ANKS1B: variants seen among roughly 807,000 people sequenced by gnomAD.
ANKS1B encodes ankyrin repeat and sterile alpha motif domain-containing protein 1B.
ANKS1B carries 36 observed loss-of-function variants against 148.3 expected under a neutral mutation model. The ratio of observed to expected loss-of-function variants is 0.24; its 90% CI spans 0.19 to 0.32. The LOEUF (loss-of-function observed/expected upper bound fraction) is 0.32, where lower values mean the gene tolerates loss of function less well. Ranked by LOEUF, ANKS1B falls within the 10% of genes least tolerant of loss-of-function variation. The pLI is 1.00. For synonymous variants in ANKS1B, 542 were observed against 560.8 expected, an observed-to-expected ratio of 0.97 and a Z score of 0.47; for missense variants, 1,157 against 1,542.6, an observed-to-expected ratio of 0.75 and a Z score of 4.19.
chr12:99,269,585 G>A (rs7309131), intron 12 of ANKS1B, among the ~76,000 whole-genome samples: 48,531 of 151,772 alleles, frequency 0.32, 9,284 homozygotes, highest in African/African-American at 0.54. Context: ...TTGAGACGGA[G>A]TCTCACTCTG....
At chr12:98,823,059 C>A (rs1299297110) in intron 19 of ANKS1B, among the ~76,000 whole-genome samples, 1 of 152,182 alleles carries the variant, frequency 6.6e-6, no homozygotes, top group Non-Finnish European at 1.5e-5. Flanking sequence ...GTGTACAATA[C>A]ATCAGGTTTA....
At chr12:99,732,074 T>C (rs2888437) in intron 8 of ANKS1B, among the ~76,000 whole-genome samples, 66,297 of 151,978 alleles carry the variant, frequency 0.44, 14,863 homozygotes, top group South Asian at 0.61. Flanking sequence ...ATATTGGTAG[T>C]CTTTAAGGAA....
intron 10 of ANKS1B, among the ~76,000 whole-genome samples, chr12:99,495,783 A>G (rs1312581732): frequency 1.3e-5 from 2 of 152,240 alleles, no homozygotes; most frequent in Non-Finnish European, 2.9e-5. Context: ...CTCAGCAGAG[A>G]TAAACATTTG....
chr12:99,795,840 C>T (rs887032676), intron 4 of ANKS1B, among the ~76,000 whole-genome samples: 1 of 152,062 alleles, frequency 6.6e-6, no homozygotes, highest in African/African-American at 2.4e-5. Flanking sequence ...TAACTAAGCA[C>T]TTACCGTGCA....
intron 8 of ANKS1B, among the ~76,000 whole-genome samples, chr12:99,739,382 A>AC (rs58960133): frequency 0.43 from 63,188 of 147,260 alleles, 14,073 homozygotes; most frequent in South Asian, 0.6. Flanking sequence ...CAAAGCTAAA[A>AC]AAAAACTCCA....
intron 15 of ANKS1B, among the ~76,000 whole-genome samples, chr12:99,095,035 G>C (rs890296076): frequency 1.9e-4 from 27 of 141,564 alleles, no homozygotes; most frequent in Non-Finnish European, 2.5e-4. Flanking sequence ...CTGGGGGGGG[G>C]GTCAAGTCTC....
intron 12 of ANKS1B, among the ~76,000 whole-genome samples, chr12:99,393,707 T>G (rs1388598396): frequency 6.6e-6 from 1 of 152,120 alleles, no homozygotes; most frequent in Non-Finnish European, 1.5e-5. Flanking sequence ...ATTCTTTGAA[T>G]CCAACAATTA....
chr12:98,895,089 G>C (rs182131), intron 17 of ANKS1B: 917,944 of 979,524 alleles, frequency 0.94, 430,350 homozygotes, highest in East Asian at 1. Flanking sequence ...GGTGGGCGGC[G>C]AGGCGGGGGG....
intron 15 of ANKS1B, among the ~76,000 whole-genome samples, chr12:99,086,738 C>CA (rs1250535080): frequency 6.6e-6 from 1 of 152,152 alleles, no homozygotes; most frequent in African/African-American, 2.4e-5. Context: ...GTTTGTAAGA[C>CA]AGAGTTTCTC....
intron 12 of ANKS1B, among the ~76,000 whole-genome samples, chr12:99,274,056 G>C (rs1602301590): frequency 1.3e-5 from 2 of 152,206 alleles, no homozygotes; most frequent in South Asian, 4.2e-4. Flanking sequence ...GAGACTCAAG[G>C]CATGCCCTTA....
intron 4 of ANKS1B, among the ~76,000 whole-genome samples, chr12:99,801,132 ATT>A (rs1459291194): frequency 6.6e-6 from 1 of 152,084 alleles, no homozygotes; most frequent in East Asian, 1.9e-4. Flanking sequence ...TTGTGACCTG[ATT>A]TAGCCAATGG....
At chr12:99,212,320 T>C (rs1053117930) in intron 14 of ANKS1B, among the ~76,000 whole-genome samples, 3 of 151,546 alleles carry the variant, frequency 2.0e-5, no homozygotes, top group Non-Finnish European at 4.4e-5. Context: ...TCTTCTATAA[T>C]TTTTTTCGTA....
rs537746337 is a variant in ANKS1B, at chr12:99,974,234, G to T, written c.134+9870C>A. ...TAGCAATGAAGTATTTTTTAATTACGTACATTGTTTTGTTAGATATAAGGA... is the reference window on the plus strand; with the variant it reads ...TAGCAATGAAGTATTTTTTAATTACTTACATTGTTTTGTTAGATATAAGGA... On this transcript the variant is annotated intron_variant, in intron 1 of 26. Coordinates refer to ENST00000683438, the MANE Select transcript of ANKS1B (RefSeq NM_001352186.2). 5.5e-4 allele frequency among the ~76,000 whole-genome samples: 84 copies of T among 152,248 alleles called. 1 individual carries two copies. In the South Asian group the frequency reaches 0.017, roughly 31 times the overall value.
At chr12:99,754,814 C>A (rs536135457) in intron 8 of ANKS1B, among the ~76,000 whole-genome samples, 6 of 152,160 alleles carry the variant, frequency 3.9e-5, no homozygotes, top group African/African-American at 1.4e-4. Flanking sequence ...AACAAAGATA[C>A]AACATACCAG....
chr12:99,927,123 ATGAAGGAGACACAC>A (rs2094495198), intron 1 of ANKS1B, among the ~76,000 whole-genome samples: 2 of 152,170 alleles, frequency 1.3e-5, no homozygotes. Context: ...GCCTAAGAAA[ATGAAGGAGACACAC>A]TGAAACAGAG....
intron 1 of ANKS1B, among the ~76,000 whole-genome samples, chr12:99,956,538 T>G (rs1263031916): frequency 6.6e-6 from 1 of 152,134 alleles, no homozygotes; most frequent in African/African-American, 2.4e-5. Context: ...TACAACACAA[T>G]CCATGCTGAA....
Position 99,399,711 on chromosome 12 carries a change from A to G in ANKS1B, c.1676T>C (p.Phe559Ser). 2.5e-6 allele frequency: 4 copies of G among 1,613,542 alleles called. No homozygotes were observed. The South Asian group carries it at 4.4e-5, about 18-fold the overall frequency. ...TGGACTAGCAGGAGGACTGGCAGTA[A>G]AGCTTGTGCACCCTGTAGATGTGTT... ...EINTSTGCTS[F>S]TASPPASPPT... Residue 559 changes from phenylalanine to serine, a missense_variant, in exon 12 of 27, where the codon TTT becomes TCT. Physicochemically the swap from Phe to Ser is radical, Grantham distance 155. This residue lies in a region of ANKS1B where 661 missense variants were observed against 642.1 expected (regional missense o/e 1.03). Transcript: ENST00000683438.
chr12:99,344,788 CAAT>C (rs2152347567), intron 12 of ANKS1B: 1 of 151,822 alleles, frequency 6.6e-6, no homozygotes, highest in Non-Finnish European at 1.5e-5. Context: ...TAGCTAAAAG[CAAT>C]AAGAAAAAGA....
chr12:99,134,645 T>TCTCTCACACA (rs1380319841), intron 15 of ANKS1B, among the ~76,000 whole-genome samples: 51 of 105,104 alleles, frequency 4.9e-4, no homozygotes, highest in African/African-American at 8.8e-4. Flanking sequence ...TCTCTCTCTC[T>TCTCTCACACA]CACACACACA....
Sources: allele counts gnomAD v4.1 joint callset (sites outside exome capture counted in the v4.1 genomes callset), GRCh38; gene constraint gnomAD v4.1.1; regional missense constraint gnomAD v4.1.1; transcripts MANE v1.5; gene names NCBI Gene and HGNC (gene_info 2026-07-23, HGNC 2026-07-21).